The following CACNA2D1 variants were observed in gnomAD, a reference collection of about 807,000 sequenced individuals.
The protein encoded by CACNA2D1 is voltage-dependent calcium channel subunit alpha-2/delta-1.
Under a neutral mutation model 171.5 loss-of-function variants are expected in CACNA2D1, and 53 were observed. The ratio of observed to expected loss-of-function variants is 0.31; its 90% CI spans 0.25 to 0.39. The LOEUF (loss-of-function observed/expected upper bound fraction) is 0.39. Ranked by LOEUF, CACNA2D1 falls within the 10% of genes least tolerant of loss-of-function variation. CACNA2D1 has a pLI of 1.00. For synonymous variants in CACNA2D1, 442 were observed against 443.1 expected, an observed-to-expected ratio of 1.00 and a Z score of 0.03; for missense variants, 903 against 1,299.8, an observed-to-expected ratio of 0.69 and a Z score of 4.69.
intron 3 of CACNA2D1, among the ~76,000 whole-genome samples, chr7:82,253,015 G>T (rs887818706): frequency 2.0e-5 from 3 of 152,114 alleles, no homozygotes; most frequent in Non-Finnish European, 2.9e-5. Flanking sequence ...TAAAGAATGA[G>T]AAGTTAACCA....
At chr7:81,996,420 G>A (rs1156576231) in intron 19 of CACNA2D1, among the ~76,000 whole-genome samples, 1 of 151,772 alleles carries the variant, frequency 6.6e-6, no homozygotes, top group African/African-American at 2.4e-5. Flanking sequence ...AAAGAAACAT[G>A]ATGGCATTTG....
intron 24 of CACNA2D1, among the ~76,000 whole-genome samples, chr7:81,978,911 C>T (rs1796156474): frequency 6.6e-6 from 1 of 151,634 alleles, no homozygotes; most frequent in Admixed American, 6.6e-5. Flanking sequence ...AAGCCAAATA[C>T]TCTCCCTTCT....
chr7:82,217,581 G>A (rs1006025739), intron 3 of CACNA2D1, among the ~76,000 whole-genome samples: 2 of 146,664 alleles, frequency 1.4e-5, no homozygotes, highest in African/African-American at 5.1e-5. Flanking sequence ...TTATACAGCA[G>A]TCATTATACT....
chr7:82,004,863 A>G (rs1798970120), intron 18 of CACNA2D1, among the ~76,000 whole-genome samples: 1 of 152,176 alleles, frequency 6.6e-6, no homozygotes, highest in South Asian at 2.1e-4. Context: ...TGGTTCATCG[A>G]TGGCATTTTA....
chr7:82,372,652 G>A lies in CACNA2D1; in HGVS notation c.96-23003C>T, dbSNP rs561492381. ...CTAATCTTACCTAAGACATAAAAGA[G>A]AATAATTTTATTCAAATTTAGAATA... is the stretch of plus-strand genomic sequence containing the variant. On this transcript the variant is annotated intron_variant, in intron 1 of 38. Coordinates refer to ENST00000356860, the MANE Select transcript of CACNA2D1 (RefSeq NM_000722.4). Among the ~76,000 whole-genome samples the A allele has an allele frequency of 9.9e-4, 148 of 148,970 alleles. 1 individual carries two copies. Among genetic ancestry groups the A allele is most frequent in the African/African-American group, 3.4e-3 (139 of 40,986 alleles).
At chr7:82,216,573 C>A (rs1277189114) in intron 3 of CACNA2D1, among the ~76,000 whole-genome samples, 3 of 152,110 alleles carry the variant, frequency 2.0e-5, no homozygotes, top group African/African-American at 4.8e-5. Context: ...TCCAAACTTT[C>A]CTTTTTTCAA....
intron 36 of CACNA2D1, among the ~76,000 whole-genome samples, chr7:81,961,324 C>T (rs1221493288): frequency 6.6e-6 from 1 of 151,916 alleles, no homozygotes; most frequent in Non-Finnish European, 1.5e-5. Flanking sequence ...TTTATGGATA[C>T]TGACTAACAT....
At chr7:82,308,698 C>A (rs1156603566) in intron 3 of CACNA2D1, among the ~76,000 whole-genome samples, 1 of 152,230 alleles carries the variant, frequency 6.6e-6, no homozygotes, top group Non-Finnish European at 1.5e-5. Context: ...AAGGCATTCC[C>A]TTAAAAATTT....
chr7:82,355,061 AT>A (rs1554522554), intron 1 of CACNA2D1, among the ~76,000 whole-genome samples: 1 of 152,010 alleles, frequency 6.6e-6, no homozygotes, highest in Non-Finnish European at 1.5e-5. Context: ...TATTTTTTGC[AT>A]TTTTTGCCTG....
intron 15 of CACNA2D1, chr7:82,011,927 G>C (rs1284252532): frequency 2.2e-6 from 1 of 452,542 alleles, no homozygotes; most frequent in Admixed American, 3.7e-5. Context: ...TCCCAATGAA[G>C]GGATCAAGTA....
chr7:82,337,505 T>G (rs1392379603), intron 2 of CACNA2D1, among the ~76,000 whole-genome samples: 1 of 152,224 alleles, frequency 6.6e-6, no homozygotes, highest in African/African-American at 2.4e-5. Context: ...TTTCCATCAC[T>G]AAGACATATT....
At position 81,973,200 on chromosome 7, in the gene CACNA2D1, T is replaced by C. The variant is rs1011733984; in HGVS notation, c.2053+1255A>G. 4.6e-5 allele frequency among the ~76,000 whole-genome samples: 7 copies of C among 152,062 alleles called. No homozygotes were observed. The East Asian group carries it at 7.7e-4, about 17-fold the overall frequency. On this transcript the variant is annotated intron_variant, in intron 25 of 38. Transcript: ENST00000356860. The stretch of plus-strand genomic sequence containing the variant: ...ATTAAAGGAACATTCAACAATCTTA[T>C]TACAGTTCTCTCTTGGAAATGCCTA...
intron 38 of CACNA2D1, among the ~76,000 whole-genome samples, chr7:81,956,311 C>T (rs574524266): frequency 6.6e-6 from 1 of 152,002 alleles, no homozygotes; most frequent in African/African-American, 2.4e-5. Flanking sequence ...AAAAAGAGAG[C>T]TGGCCTACTC....
At chr7:82,005,350 C>A (rs558516567) in intron 18 of CACNA2D1, 73 bp downstream of exon 18, 11 of 957,914 alleles carry the variant, frequency 1.1e-5, no homozygotes, top group Non-Finnish European at 1.8e-5. Context: ...AATTTTAAAA[C>A]AACAATCCTA....
chr7:82,282,485 T>C (rs930770375), intron 3 of CACNA2D1, among the ~76,000 whole-genome samples: 1 of 152,096 alleles, frequency 6.6e-6, no homozygotes, highest in African/African-American at 2.4e-5. Flanking sequence ...GTTGACCCCT[T>C]TGAGACAGGT....
chr7:82,028,627 G>A (rs368511055), intron 12 of CACNA2D1: 24 of 151,862 alleles, frequency 1.6e-4, no homozygotes, highest in African/African-American at 5.1e-4. Flanking sequence ...GTGATTCATG[G>A]GAAAAGACAA....
chr7:81,959,209 C>T, intron 38 of CACNA2D1, 66 bp downstream of exon 38: 2 of 1,158,348 alleles, frequency 1.7e-6, no homozygotes, highest in South Asian at 2.4e-5. Context: ...AATTTGTATC[C>T]TTGAATTCTT....
chr7:82,431,452 A>G (rs1431012728), intron 1 of CACNA2D1, among the ~76,000 whole-genome samples: 1 of 152,166 alleles, frequency 6.6e-6, no homozygotes, highest in African/African-American at 2.4e-5. Flanking sequence ...CAGATGGAGA[A>G]ATCAAGGCTG....
At chr7:82,048,713 T>A (rs1165868644) in intron 10 of CACNA2D1, among the ~76,000 whole-genome samples, 1 of 152,102 alleles carries the variant, frequency 6.6e-6, no homozygotes, top group Non-Finnish European at 1.5e-5. Flanking sequence ...ATATGATAGT[T>A]TAATTTAATT....
Sources: gnomAD v4.1 joint callset for allele counts (sites outside exome capture counted in the v4.1 genomes callset) on GRCh38, gnomAD v4.1.1 for gene constraint, MANE v1.5 for transcripts, NCBI Gene and HGNC (gene_info 2026-07-23, HGNC 2026-07-21) for gene names.